The following RABAC1 variants were observed in gnomAD, a reference collection of about 807,000 sequenced individuals.
RABAC1 encodes the protein Rab acceptor 1.
Under a neutral mutation model 22.9 loss-of-function variants are expected in RABAC1, and 16 were observed. The ratio of observed to expected loss-of-function variants is 0.70; its 90% confidence interval spans 0.47 to 1.06. RABAC1 has a LOEUF of 1.06. Ranked by LOEUF, RABAC1 falls within the 50% of genes least tolerant of loss-of-function variation. The pLI is 0.00. For synonymous variants in RABAC1, 139 were observed against 107.7 expected, an observed-to-expected ratio of 1.29 and a Z score of -1.80; for missense variants, 227 against 246.5, an observed-to-expected ratio of 0.92 and a Z score of 0.53.
chr19:41,958,478 T>C, intron 2 of RABAC1, 95 bp from the exon 3 acceptor site: 2 of 1,226,782 alleles, frequency 1.6e-6, no homozygotes, highest in South Asian at 2.6e-5. Flanking sequence ...GCAAGCTACA[T>C]CCTGGAGACC....
At chr19:41,958,200 T>C (rs2074998529) in intron 3 of RABAC1, 86 bp downstream of exon 3, 3 of 1,345,508 alleles carry the variant, frequency 2.2e-6, no homozygotes, top group East Asian at 5.0e-5. Flanking sequence ...TTTGAAGGAC[T>C]TGGATTTGGG....
At chr19:41,958,997 AC>A (rs1555857316) in intron 1 of RABAC1, 49 bp from the exon 2 acceptor site, 1 of 1,493,034 alleles carries the variant, frequency 6.7e-7, no homozygotes, top group South Asian at 1.3e-5. Context: ...GGAGCCCCAG[AC>A]CCCCGCAAAA....
chr19:41,959,261 G>A lies in RABAC1; in HGVS notation c.32C>T (p.Ala11Val). MAAQKDQQKD[A>V]EAEGLSGTTL... is the part of the protein sequence containing the mutation. ...CGTGCCGCTCAGCCCTTCCGCCTCGGCATCTTTCTGCTGGTCCTTCTGCGC... is the reference window on the plus strand; with the variant it reads ...CGTGCCGCTCAGCCCTTCCGCCTCGACATCTTTCTGCTGGTCCTTCTGCGC... Residue 11 changes from alanine (A) to valine (V), a missense_variant, in exon 1 of 5, where the codon GCC (alanine) becomes GTC (valine). Ala to Val is a moderately conservative substitution (Grantham distance 64). Transcript: ENST00000222008. The A allele has an allele frequency of 1.2e-6, 2 of 1,613,658 alleles. No homozygotes were observed. The highest frequency in any genetic ancestry group is 1.7e-6 in the Non-Finnish European group (2 of 1,179,928).
chr19:41,958,633 G>T, intron 2 of RABAC1, 103 bp downstream of exon 2: 1 of 1,273,210 alleles, frequency 7.9e-7, no homozygotes, highest in Non-Finnish European at 1.1e-6. Context: ...GGCCCTGGGC[G>T]GTGAGAGGAG....
At chr19:41,958,604 G>A in intron 2 of RABAC1, 132 bp downstream of exon 2, 1 of 1,075,398 alleles carries the variant, frequency 9.3e-7, no homozygotes, top group East Asian at 2.6e-5. Context: ...TGGGGGCGGG[G>A]CCTGGGCGGT....
intron 1 of RABAC1, 43 bp downstream of exon 1, chr19:41,959,194 C>T (rs782157811): frequency 1.2e-6 from 2 of 1,611,672 alleles, no homozygotes; most frequent in Non-Finnish European, 1.7e-6. Flanking sequence ...GGGGCCCGGA[C>T]TCCCGGGTCT....
Position 41,957,018 on chromosome 19 carries a change from C to A in RABAC1, c.469G>T (p.Gly157Ter). 2 of 1,613,778 alleles carry A rather than the reference C, an allele frequency of 1.2e-6. No individual in the cohort carries two copies. The highest frequency in any genetic ancestry group is 1.7e-6 in the Non-Finnish European group (2 of 1,179,984). ...GAGSAVFWVLGATLVVIGSHA... is the reference protein window; with the variant it reads ...GAGSAVFWVL Reference sequence around the variant, plus strand: ...CCAGCTGCTCAGACCCTGTACTCACCCAGCACCCAGAAGACGGCCGAGCCC... The same window carrying A: ...CCAGCTGCTCAGACCCTGTACTCACACAGCACCCAGAAGACGGCCGAGCCC... The change falls in exon 4 of 5, where the codon GGA becomes TGA. Residue 157 changes from glycine to a stop codon, truncating the protein, a stop_gained and splice_region_variant. Coordinates refer to ENST00000222008, the MANE Select transcript of RABAC1 (RefSeq NM_006423.3). LOFTEE classifies it high-confidence loss of function.
In RABAC1 at chr19:41,957,049, A is replaced by G. The variant is rs1555856795; in HGVS notation, c.438T>C (p.Ala146=). ...GGISFPFFWL[A]GAGSAVFWVL... is the part of the protein sequence containing the mutation. The stretch of plus-strand genomic sequence containing the variant: ...CCCAGAAGACGGCCGAGCCCGCACC[A>G]GCCAGCCAGAAGAAGGGGAAGGAGA... The change falls in exon 4 of 5, where the codon GCT becomes GCC. Residue 146 remains alanine (A), a synonymous_variant. Transcript: ENST00000222008. 1.2e-6 allele frequency: 2 copies of G among 1,613,882 alleles called. No individual in the cohort carries two copies. The highest frequency in any genetic ancestry group is 1.3e-5 in the African/African-American group (1 of 75,038).
At chr19:41,959,171 G>C in intron 1 of RABAC1, 66 bp downstream of exon 1, 1 of 1,600,640 alleles carries the variant, frequency 6.2e-7, no homozygotes, top group Non-Finnish European at 8.5e-7. Flanking sequence ...AGGGAGGAGG[G>C]AGGAGGGGGC....
chr19:41,958,996 G>C (rs898720941), intron 1 of RABAC1, 48 bp from the exon 2 acceptor site: 36 of 1,497,336 alleles, frequency 2.4e-5, no homozygotes, highest in Non-Finnish European at 2.9e-5. Flanking sequence ...TGGAGCCCCA[G>C]ACCCCCGCAA....
chr19:41,958,981 C>A, intron 1 of RABAC1, 33 bp from the exon 2 acceptor site: 1 of 1,522,716 alleles, frequency 6.6e-7, no homozygotes. Flanking sequence ...AGTGGTGGAC[C>A]GGGATGGAGC....
In RABAC1 at chr19:41,956,954, T is replaced by C. The variant is rs1555856762; in HGVS notation, c.470-20A>G. ...TGGCTCCTGCAGGAAAGCCGGCAGC[T>C]CAGGGCCACACTCCTGCACCTGGCT... On this transcript the variant is annotated intron_variant, in intron 4 of 4. Coordinates refer to ENST00000222008, the MANE Select transcript of RABAC1 (RefSeq NM_006423.3). 1 of 1,612,204 alleles carries C rather than the reference T, an allele frequency of 6.2e-7. No individual in the cohort carries two copies. Among genetic ancestry groups the C allele is most frequent in the Non-Finnish European group, 8.5e-7 (1 of 1,178,954 alleles).
intron 4 of RABAC1, 26 bp downstream of exon 4, chr19:41,956,992 C>T: frequency 6.2e-7 from 1 of 1,613,436 alleles, no homozygotes; most frequent in Non-Finnish European, 8.5e-7. Flanking sequence ...CACCATCCAC[C>T]CCAGCTGCTC....
chr19:41,959,255 G>C lies in RABAC1; in HGVS notation c.38C>G (p.Ala13Gly), dbSNP rs1166538295. ...AQKDQQKDAE[A>G]EGLSGTTLLP... ...CGCTCACGTGCCGCTCAGCCCTTCC[G>C]CCTCGGCATCTTTCTGCTGGTCCTT... The change falls in exon 1 of 5, where the codon GCG becomes GGG. Residue 13 changes from alanine (A) to glycine (G), a missense_variant. Physicochemically the swap from Ala to Gly is moderately conservative, Grantham distance 60 (BLOSUM62 0). Coordinates refer to ENST00000222008, the MANE Select transcript of RABAC1 (RefSeq NM_006423.3). The C allele has an allele frequency of 6.2e-7, 1 of 1,613,510 alleles. No homozygotes were observed. Among genetic ancestry groups the C allele is most frequent in the African/African-American group, 1.3e-5 (1 of 74,934 alleles).
At position 41,958,295 on chromosome 19, in the gene RABAC1, C is replaced by G. The variant is rs781972114; in HGVS notation, c.358G>C (p.Val120Leu). Residue 120 changes from valine to leucine, a missense_variant, in exon 3 of 5, where the codon GTG (valine) becomes CTG (leucine). Physicochemically the swap from Val to Leu is conservative, Grantham distance 32. Coordinates refer to ENST00000222008, the MANE Select transcript of RABAC1 (RefSeq NM_006423.3). ...LYLRTLESKL[V>L]LFGREVSPAH... Reference sequence around the variant, plus strand: ...GCAGGGGGTTTCTCACCAAAGAGCACAAGCTTGGACTCCAAGGTGCGCAGA... The same window carrying G: ...GCAGGGGGTTTCTCACCAAAGAGCAGAAGCTTGGACTCCAAGGTGCGCAGA... 5 of 1,612,310 alleles carry G rather than the reference C, an allele frequency of 3.1e-6. No homozygotes were observed. Among genetic ancestry groups the G allele is most frequent in the Non-Finnish European group, 4.2e-6 (5 of 1,179,194 alleles).
Position 41,958,400 on chromosome 19 carries a change from G to A in RABAC1, c.270-17C>T. 2 of 1,606,878 alleles carry A rather than the reference G, an allele frequency of 1.2e-6. No homozygotes were observed. Among genetic ancestry groups the A allele is most frequent in the Non-Finnish European group, 1.7e-6 (2 of 1,175,420 alleles). On this transcript the variant is annotated splice_polypyrimidine_tract_variant and intron_variant, in intron 2 of 4. Transcript: ENST00000222008. ...GACGTCACCCTGGAGGAGGAGTGCAGGGAGGCAGCGGTTAGACAGCTGGGG... is the reference window on the plus strand; with the variant it reads ...GACGTCACCCTGGAGGAGGAGTGCAAGGAGGCAGCGGTTAGACAGCTGGGG...
At chr19:41,958,715 C>T (rs782500763) in intron 2 of RABAC1, 21 bp downstream of exon 2, 14 of 1,602,174 alleles carry the variant, frequency 8.7e-6, no homozygotes, top group South Asian at 6.7e-5. Context: ...AGTGCGGGTG[C>T]GGGGCCCGGG....
chr19:41,956,887 C>T lies in RABAC1; in HGVS notation c.517G>A (p.Glu173Lys). The T allele has an allele frequency of 6.2e-7, 1 of 1,612,760 alleles. No homozygotes were observed. Among genetic ancestry groups the T allele is most frequent in the Non-Finnish European group, 8.5e-7 (1 of 1,179,562 alleles). Residue 173 changes from glutamate to lysine, a missense_variant, in exon 5 of 5, where the codon GAG (glutamate) becomes AAG (lysine). Transcript: ENST00000222008. ...IGSHAAFHQI[E>K]AVDGEELQME... ...TGCAGCTCCTCCCCGTCCACAGCCT[C>T]AATCTGGTGGAAGGCAGCGTGGGAG...
intron 3 of RABAC1, 93 bp from the exon 4 acceptor site, chr19:41,957,212 A>G (rs1053197670): frequency 6.4e-6 from 7 of 1,101,686 alleles, no homozygotes; most frequent in Non-Finnish European, 9.3e-6. Flanking sequence ...TACAAGCTCC[A>G]GGTTCTCGGG....
Sources: gnomAD v4.1 joint callset for allele counts on GRCh38, gnomAD v4.1.1 for gene constraint, MANE v1.5 for transcripts, NCBI Gene and HGNC (gene_info 2026-07-23, HGNC 2026-07-21) for gene names.